The following UXS1 variants were observed in gnomAD, a reference collection of about 807,000 sequenced individuals.
UXS1 encodes the protein UDP-glucuronic acid decarboxylase 1.
A neutral mutation model predicts 62.6 loss-of-function variants in UXS1; 33 were observed. The observed-to-expected ratio is 0.53, with a 90% CI of 0.40 to 0.70. UXS1 has a LOEUF of 0.70. UXS1 is among the 30% of genes least tolerant of loss of function. The probability of loss-of-function intolerance (pLI) is 0.00; values close to 1 mark genes in which losing one functional copy is unlikely to be tolerated. For missense variants in UXS1, 434 were observed against 556.3 expected (o/e 0.78, Z 2.21); for synonymous variants, 213 against 206.8 (o/e 1.03, Z -0.26).
chr2:106,146,245 C>T (rs1193190848), intron 5 of UXS1, among the ~76,000 whole-genome samples: 1 of 152,224 alleles, frequency 6.6e-6, no homozygotes, highest in Non-Finnish European at 1.5e-5. Context: ...ACTCAATTCT[C>T]TAGCCTGCTG....
chr2:106,157,076 G>T (rs1682493892), intron 5 of UXS1, among the ~76,000 whole-genome samples: 1 of 152,166 alleles, frequency 6.6e-6, no homozygotes, highest in South Asian at 2.1e-4. Flanking sequence ...ATTAGTGGTT[G>T]CCTAGAGATT....
intron 9 of UXS1, among the ~76,000 whole-genome samples, chr2:106,113,056 G>A (rs1389889824): frequency 3.3e-5 from 5 of 152,116 alleles, no homozygotes; most frequent in Admixed American, 1.3e-4. Context: ...GAGGAAAAAC[G>A]TGTATTTATA....
intron 6 of UXS1, among the ~76,000 whole-genome samples, chr2:106,131,278 G>C (rs1219130194): frequency 6.9e-6 from 1 of 144,126 alleles, no homozygotes; most frequent in East Asian, 2.0e-4. Context: ...CTCGCTGATT[G>C]CTAGCACAGC....
intron 12 of UXS1, 97 bp downstream of exon 12, chr2:106,100,961 C>T: frequency 7.0e-7 from 1 of 1,437,926 alleles, no homozygotes; most frequent in Non-Finnish European, 9.8e-7. Flanking sequence ...CCTAAGTGTG[C>T]CGATGGCAAA....
chr2:106,107,127 C>T (rs1343595528), intron 10 of UXS1, among the ~76,000 whole-genome samples: 1 of 152,188 alleles, frequency 6.6e-6, no homozygotes, highest in Non-Finnish European at 1.5e-5. Flanking sequence ...TGCTGTCCTG[C>T]CCATTGCCTC....
rs192324476 is a variant in UXS1, at chr2:106,160,199, G to A, written c.231-2081C>T. On this transcript the variant is annotated intron_variant, in intron 4 of 14. Coordinates refer to ENST00000283148, the MANE Select transcript of UXS1 (RefSeq NM_001253875.2). ...TCCCTCACCAACTCAGCTAGGGGAC[G>A]GCACTGTAAATCTCAGAGTTATTTG... is the stretch of plus-strand genomic sequence containing the variant. 13 of 152,312 alleles carry A rather than the reference G, an allele frequency of 8.5e-5. 1 individual carries two copies. The East Asian group carries it at 1.4e-3, about 16-fold the overall frequency. The allele number at this position is 152,312 out of a possible 1,614,324, so 9.4% of individuals were successfully genotyped here. A position where few individuals can be genotyped will look rare whatever the true frequency, so the allele number is the denominator to read the frequency against.
In UXS1 at chr2:106,122,627, T is replaced by C. The variant is rs575487318; in HGVS notation, c.759+343A>G. 3.3e-5 allele frequency among the ~76,000 whole-genome samples: 5 copies of C among 152,242 alleles called. No individual in the cohort carries two copies. The South Asian group carries it at 8.3e-4, about 25-fold the overall frequency. ...CGCATCCATTTTTTTACTTAATTGA[T>C]AGAAAAGTAAAAAAAGAAGATCCAT... On this transcript the variant is annotated intron_variant, in intron 9 of 14. Coordinates refer to ENST00000283148, the MANE Select transcript of UXS1 (RefSeq NM_001253875.2).
At chr2:106,128,674 G>A (rs963973254) in intron 7 of UXS1, among the ~76,000 whole-genome samples, 7 of 152,090 alleles carry the variant, frequency 4.6e-5, no homozygotes, top group African/African-American at 1.7e-4. Context: ...GGGACTTCTT[G>A]ACCTCCATAA....
chr2:106,122,989 C>T lies in UXS1; in HGVS notation c.740G>A (p.Cys247Tyr), dbSNP rs748877295. The T allele has an allele frequency of 6.2e-7, 1 of 1,613,910 alleles. No individual in the cohort carries two copies. Among genetic ancestry groups the T allele is most frequent in the Admixed American group, 1.7e-5 (1 of 60,028 alleles). ...AAATACCTGCTTCATGTAGGCATAGCACATGGTCTCTGCAACACGTTTGCC... is the reference window on the plus strand; with the variant it reads ...AAATACCTGCTTCATGTAGGCATAGTACATGGTCTCTGCAACACGTTTGCC... ...DEGKRVAETM[C>Y]YAYMKQEGVE... The change falls in exon 9 of 15, where the codon TGC (cysteine) becomes TAC (tyrosine). Residue 247 changes from cysteine to tyrosine, a missense_variant. Cys to Tyr is a radical substitution (Grantham distance 194, BLOSUM62 -2). Around this residue, in one of 3 missense-constraint regions of UXS1, gnomAD observed 209 missense variants for 233.3 expected, o/e 0.90. Coordinates refer to ENST00000283148, the MANE Select transcript of UXS1 (RefSeq NM_001253875.2).
intron 9 of UXS1, among the ~76,000 whole-genome samples, chr2:106,120,248 G>A (rs1222719880): frequency 6.6e-6 from 1 of 152,162 alleles, no homozygotes; most frequent in Non-Finnish European, 1.5e-5. Context: ...CTGGAGCTCA[G>A]GCAATACCAC....
intron 1 of UXS1, among the ~76,000 whole-genome samples, chr2:106,188,301 G>A (rs890371165): frequency 6.6e-6 from 1 of 152,174 alleles, no homozygotes; most frequent in African/African-American, 2.4e-5. Flanking sequence ...AAGAAGATAG[G>A]TGAATATGGG....
intron 9 of UXS1, among the ~76,000 whole-genome samples, chr2:106,116,835 A>T (rs1308356156): frequency 1.3e-5 from 2 of 152,178 alleles, no homozygotes; most frequent in Non-Finnish European, 2.9e-5. Context: ...TATCAATAAA[A>T]GCCTGACCTT....
chr2:106,194,249 A>T lies in UXS1; in HGVS notation c.-8T>A, dbSNP rs1173060125. On this transcript the variant is annotated 5_prime_UTR_variant, in exon 1 of 15. Transcript: ENST00000283148. ...CAGCGCCTTGCTCACCATCCCCGGG[A>T]GCCGCGCGGGTCCAGGGCCCTACCG... 1.4e-6 allele frequency: 2 copies of T among 1,404,440 alleles called. No homozygotes were observed. The highest frequency in any genetic ancestry group is 9.3e-7 in the Non-Finnish European group (1 of 1,069,874). The allele number at this position is 1,404,440 out of a possible 1,614,324, so 87.0% of individuals were successfully genotyped here.
chr2:106,173,013 C>A (rs549539803), intron 1 of UXS1, among the ~76,000 whole-genome samples: 3 of 152,318 alleles, frequency 2.0e-5, no homozygotes, highest in East Asian at 1.9e-4. Flanking sequence ...ACCCACCCCC[C>A]AACAGCCCAC....
At chr2:106,096,408 T>C (rs1033708018) in intron 14 of UXS1, among the ~76,000 whole-genome samples, 1 of 152,166 alleles carries the variant, frequency 6.6e-6, no homozygotes, top group Non-Finnish European at 1.5e-5. Context: ...AGTGTGAGTA[T>C]ATGTGTGTAC....
At chr2:106,143,870 C>T (rs62143974) in intron 6 of UXS1, among the ~76,000 whole-genome samples, 3 of 152,194 alleles carry the variant, frequency 2.0e-5, no homozygotes, top group Non-Finnish European at 4.4e-5. Flanking sequence ...CTGGTCTCCC[C>T]GCGGTATCTC....
chr2:106,118,169 C>T (rs1306684930), intron 9 of UXS1, among the ~76,000 whole-genome samples: 3 of 151,074 alleles, frequency 2.0e-5, no homozygotes, highest in Non-Finnish European at 4.4e-5. Context: ...CAGGACGGGC[C>T]TCCTGGGGTG....
chr2:106,146,644 G>A (rs553838835), intron 5 of UXS1, among the ~76,000 whole-genome samples: 23 of 151,922 alleles, frequency 1.5e-4, no homozygotes, highest in Admixed American at 9.8e-4. Context: ...GCTGGGCGTG[G>A]TGGCACACTC....
In UXS1 at chr2:106,194,279, G is replaced by A. The variant is rs1364208542; in HGVS notation, c.-38C>T. On this transcript the variant is annotated 5_prime_UTR_variant, in exon 1 of 15. Coordinates refer to ENST00000283148, the MANE Select transcript of UXS1 (RefSeq NM_001253875.2). ...CGCGGGTCCAGGGCCCTACCGCGCG[G>A]GGGCCCGCCTGCTGCACAATGCGCG... is the stretch of plus-strand genomic sequence containing the variant. The A allele has an allele frequency of 8.2e-6, 10 of 1,213,496 alleles. No individual in the cohort carries two copies. Among genetic ancestry groups the A allele is most frequent in the Non-Finnish European group, 1.0e-5 (10 of 956,486 alleles). The allele number at this position is 1,213,496 out of a possible 1,614,324, so 75.2% of individuals were successfully genotyped here.
Sources: allele counts gnomAD v4.1 joint callset (sites outside exome capture counted in the v4.1 genomes callset), GRCh38; gene constraint gnomAD v4.1.1; regional missense constraint gnomAD v4.1.1; transcripts MANE v1.5; gene names NCBI Gene and HGNC (gene_info 2026-07-23, HGNC 2026-07-21).